The following IBA57 variants were observed in gnomAD, a reference collection of about 807,000 sequenced individuals.
IBA57 encodes the protein iron-sulfur cluster assembly factor IBA57.
IBA57 carries 20 observed loss-of-function variants against 20.4 expected under a neutral mutation model. The observed-to-expected ratio is 0.98, with a 90% CI of 0.69 to 1.42. IBA57 has a LOEUF of 1.42. IBA57 is among the 40% of genes most tolerant of loss of function. The pLI is 0.00. For synonymous variants in IBA57, 310 were observed against 233.9 expected, an observed-to-expected ratio of 1.33 and a Z score of -2.97; for missense variants, 608 against 499.3, an observed-to-expected ratio of 1.22 and a Z score of -2.07.
chr1:228,175,330 T>C lies in IBA57; in HGVS notation c.888T>C (p.Gly296=). ...TTCCCACCAGTGGCATCACCCCTGGTGCCACGGTGCTGACTGCCTCAGGAC... is the reference window on the plus strand; with the variant it reads ...TTCCCACCAGTGGCATCACCCCTGGCGCCACGGTGCTGACTGCCTCAGGAC... ...DPLPTSGITP[G]ATVLTASGQT... Residue 296 remains glycine, a synonymous_variant, in exon 3 of 3, where the codon GGT becomes GGC. Transcript: ENST00000366711. 1 of 1,612,980 alleles carries C rather than the reference T, an allele frequency of 6.2e-7. No individual in the cohort carries two copies. The highest frequency in any genetic ancestry group is 8.5e-7 in the Non-Finnish European group (1 of 1,179,998).
Position 228,175,343 on chromosome 1 carries a change from A to C in IBA57, c.901A>C (p.Thr301Pro), listed in dbSNP as rs749974734. Reference protein sequence around the residue: ...SGITPGATVLTASGQTVGKFR... With the variant: ...SGITPGATVLPASGQTVGKFR... The stretch of plus-strand genomic sequence containing the variant: ...CATCACCCCTGGTGCCACGGTGCTG[A>C]CTGCCTCAGGACAGACTGTGGGCAA... Residue 301 changes from threonine (T) to proline (P), a missense_variant, in exon 3 of 3, where the codon ACT becomes CCT. Coordinates refer to ENST00000366711, the MANE Select transcript of IBA57 (RefSeq NM_001010867.4). 1.2e-6 allele frequency: 2 copies of C among 1,612,744 alleles called. No homozygotes were observed. The highest frequency in any genetic ancestry group is 1.7e-6 in the Non-Finnish European group (2 of 1,179,966).
At position 228,174,817 on chromosome 1, in the gene IBA57, A is replaced by G. The variant is rs755223558; in HGVS notation, c.467A>G (p.Glu156Gly). 6 of 1,610,012 alleles carry G rather than the reference A, an allele frequency of 3.7e-6. No homozygotes were observed. The highest frequency in any genetic ancestry group is 4.2e-6 in the Non-Finnish European group (5 of 1,179,184). The change falls in exon 2 of 3, where the codon GAG (glutamate) becomes GGG (glycine). Residue 156 changes from glutamate to glycine, a missense_variant. Glu to Gly is a moderately conservative substitution (Grantham distance 98). Coordinates refer to ENST00000366711, the MANE Select transcript of IBA57 (RefSeq NM_001010867.4). ...AAGGTCACGGTGGAGCCGCACCCGG[A>G]GCTGCGAGTGTGGGCGGTGTTGCCC... ...RRKVTVEPHP[E>G]LRVWAVLPSS...
intron 1 of IBA57, among the ~76,000 whole-genome samples, chr1:228,167,654 G>A (rs112326885): frequency 0.018 from 2,786 of 152,304 alleles, 39 homozygotes; most frequent in African/African-American, 0.039. Context: ...ACTGTGCCCG[G>A]CCTGGGGCTG....
Position 228,175,568 on chromosome 1 carries a change from G to A in IBA57, c.*55G>A, listed in dbSNP as rs2035005164. 2.6e-6 allele frequency: 4 copies of A among 1,515,030 alleles called. No homozygotes were observed. Among genetic ancestry groups the A allele is most frequent in the Admixed American group, 4.4e-5 (2 of 45,528 alleles). The allele number at this position is 1,515,030 out of a possible 1,614,324, so 93.8% of individuals were successfully genotyped here. A position where few individuals can be genotyped will look rare whatever the true frequency, so the allele number is the denominator to read the frequency against. On this transcript the variant is annotated 3_prime_UTR_variant, in exon 3 of 3. Transcript: ENST00000366711. ...GGGAGGCTGGGGCCTGGGGCCTTTG[G>A]CCTCTGTCCAGGGTCTTCCCGTCCC...
At chr1:228,166,512 G>A (rs1340563272) in intron 1 of IBA57, among the ~76,000 whole-genome samples, 1 of 152,184 alleles carries the variant, frequency 6.6e-6, no homozygotes, top group African/African-American at 2.4e-5. Context: ...GGCGTCTCTA[G>A]GTGGGCACCT....
chr1:228,174,919 G>T lies in IBA57; in HGVS notation c.569G>T (p.Arg190Leu). ...GAAAILIRDP[R>L]TARMGWRLLT... ...GCCGCCATCCTCATCCGCGACCCGC[G>T]AACAGCACGCATGGGGTGGCGGCTC... The change falls in exon 2 of 3, where the codon CGA (arginine) becomes CTA (leucine). Residue 190 changes from arginine to leucine, a missense_variant. Arg to Leu is a moderately radical substitution (Grantham distance 102). Transcript: ENST00000366711. The T allele has an allele frequency of 1.3e-6, 2 of 1,598,790 alleles. No individual in the cohort carries two copies. Among genetic ancestry groups the T allele is most frequent in the Non-Finnish European group, 8.5e-7 (1 of 1,171,818 alleles).
chr1:228,175,621 A>G lies in IBA57; in HGVS notation c.*108A>G, dbSNP rs1005511609. 82 of 1,372,862 alleles carry G rather than the reference A, an allele frequency of 6.0e-5. No individual in the cohort carries two copies. The African/African-American group carries it at 1.1e-3, about 18-fold the overall frequency. 85.0% of individuals were successfully genotyped at this position (1,372,862 alleles called of 1,614,324 possible). ...CTGTCTGCTGCGCCTACTGGGTGGG[A>G]GCCCTGGTTTCCATCTGGGAAAGTC... On this transcript the variant is annotated 3_prime_UTR_variant, in exon 3 of 3. Transcript: ENST00000366711.
intron 1 of IBA57, among the ~76,000 whole-genome samples, chr1:228,168,228 TA>T (rs1294442840): frequency 6.6e-6 from 1 of 152,254 alleles, no homozygotes; most frequent in African/African-American, 2.4e-5. Flanking sequence ...GAAGTGGAAC[TA>T]CATTTCCTCT....
intron 1 of IBA57, among the ~76,000 whole-genome samples, chr1:228,166,453 C>T (rs2034854846): frequency 6.6e-6 from 1 of 152,174 alleles, no homozygotes; most frequent in African/African-American, 2.4e-5. Context: ...GATGGGTCAG[C>T]GACTCATCCA....
At chr1:228,169,264 T>A (rs1298312567) in intron 1 of IBA57, among the ~76,000 whole-genome samples, 1 of 152,168 alleles carries the variant, frequency 6.6e-6, no homozygotes, top group Non-Finnish European at 1.5e-5. Context: ...CCTTTATGGT[T>A]TTTTCCTGAC....
chr1:228,174,959 A>C lies in IBA57; in HGVS notation c.609A>C (p.Glu203Asp). ...GGTGGCGGCTCCTCACCCAGGATGA[A>C]GGCCCAGCCCTGGTGCCCGGGGGCC... The part of the protein sequence containing the change: ...RMGWRLLTQD[E>D]GPALVPGGRL... Residue 203 changes from glutamate to aspartate, a missense_variant, in exon 2 of 3, where the codon GAA becomes GAC. Coordinates refer to ENST00000366711, the MANE Select transcript of IBA57 (RefSeq NM_001010867.4). The C allele has an allele frequency of 1.3e-6, 2 of 1,569,130 alleles. No homozygotes were observed. Among genetic ancestry groups the C allele is most frequent in the Non-Finnish European group, 1.7e-6 (2 of 1,154,300 alleles).
chr1:228,166,074 G>T lies in IBA57; in HGVS notation c.258G>T (p.Ala86=). ...NELPLPSPAA[A]GAPPAARAGY... ...TGCCGCTTCCGAGTCCTGCGGCCGCGGGGGCCCCGCCTGCTGCGCGCGCGG... is the reference window on the plus strand; with the variant it reads ...TGCCGCTTCCGAGTCCTGCGGCCGCTGGGGCCCCGCCTGCTGCGCGCGCGG... The change falls in exon 1 of 3, where the codon GCG becomes GCT. Residue 86 remains alanine (A), a synonymous_variant. Coordinates refer to ENST00000366711, the MANE Select transcript of IBA57 (RefSeq NM_001010867.4). 6.5e-7 allele frequency: 1 copy of T among 1,536,184 alleles called. No individual in the cohort carries two copies.
At chr1:228,174,194 T>C (rs1260432788) in intron 1 of IBA57, among the ~76,000 whole-genome samples, 20 of 48,136 alleles carry the variant, frequency 4.2e-4, no homozygotes, top group African/African-American at 1.6e-3. Flanking sequence ...CGTGGCTCGC[T>C]GTGGGCGTGG....
intron 1 of IBA57, among the ~76,000 whole-genome samples, chr1:228,167,905 C>T (rs956426130): frequency 6.6e-6 from 1 of 152,238 alleles, no homozygotes; most frequent in Non-Finnish European, 1.5e-5. Context: ...TATGTTAGTA[C>T]TTTGCTGTTC....
At chr1:228,168,013 A>G (rs1045687018) in intron 1 of IBA57, among the ~76,000 whole-genome samples, 5 of 152,118 alleles carry the variant, frequency 3.3e-5, no homozygotes, top group Non-Finnish European at 5.9e-5. Flanking sequence ...TCCTAGTTCA[A>G]TTGAATTCCT....
At chr1:228,174,528 T>C (rs919885988) in intron 1 of IBA57, 164 bp from the exon 2 acceptor site, 1 of 583,900 alleles carries the variant, frequency 1.7e-6, no homozygotes, top group African/African-American at 2.0e-5. Context: ...TGTGGTGACC[T>C]GGGCGCTTGC....
chr1:228,168,752 G>A (rs2034886742), intron 1 of IBA57, among the ~76,000 whole-genome samples: 2 of 152,180 alleles, frequency 1.3e-5, no homozygotes, highest in South Asian at 4.1e-4. Context: ...GCACTGAAGG[G>A]TGACGTCATC....
At position 228,178,346 on chromosome 1, in the gene IBA57, G is replaced by A. The variant is rs1267939934; in HGVS notation, c.*2833G>A. The A allele has an allele frequency of 6.6e-6, 1 of 152,272 alleles. No individual in the cohort carries two copies. Among genetic ancestry groups the A allele is most frequent in the Non-Finnish European group, 1.5e-5 (1 of 68,102 alleles). 9.4% of individuals were successfully genotyped at this position (152,272 alleles called of 1,614,324 possible). On this transcript the variant is annotated 3_prime_UTR_variant, in exon 3 of 3. Transcript: ENST00000366711. ...GCCTGTGATCCCAGCACTTTGGGAG[G>A]CCGAGGCAGGAGGATTGCTTGAGCC...
rs1221804527 is a variant in IBA57 at position 228,175,579 on chromosome 1, G to A, written c.*66G>A. On this transcript the variant is annotated 3_prime_UTR_variant, in exon 3 of 3. Coordinates refer to ENST00000366711, the MANE Select transcript of IBA57 (RefSeq NM_001010867.4). ...GCCTGGGGCCTTTGGCCTCTGTCCA[G>A]GGTCTTCCCGTCCCATCTGTCTGCT... 1 of 1,497,172 alleles carries A rather than the reference G, an allele frequency of 6.7e-7. No homozygotes were observed. Among genetic ancestry groups the A allele is most frequent in the East Asian group, 2.3e-5 (1 of 43,512 alleles). The allele number at this position is 1,497,172 out of a possible 1,614,324, so 92.7% of individuals were successfully genotyped here.
Sources: allele counts gnomAD v4.1 joint callset (sites outside exome capture counted in the v4.1 genomes callset), GRCh38; gene constraint gnomAD v4.1.1; transcripts MANE v1.5; gene names NCBI Gene and HGNC (gene_info 2026-07-23, HGNC 2026-07-21).